WRNIP1: variants seen among roughly 807,000 people sequenced by gnomAD.
WRNIP1 encodes the protein WRN helicase interacting protein 1, also known as ATPase WRNIP1.
In WRNIP1, 41 loss-of-function variants were observed where a neutral mutation model predicts 56.1. The ratio of observed to expected loss-of-function variants is 0.73; its 90% confidence interval spans 0.57 to 0.95. The LOEUF is 0.95. WRNIP1 is among the 40% of genes least tolerant of loss of function. The probability of loss-of-function intolerance (pLI) is 0.00; values close to 1 mark genes in which losing one functional copy is unlikely to be tolerated. For synonymous variants in WRNIP1, 547 were observed against 398.1 expected, an observed-to-expected ratio of 1.37 and a Z score of -4.45; for missense variants, 1,170 against 939.4, an observed-to-expected ratio of 1.25 and a Z score of -3.21.
At chr6:2,781,943 C>G (rs890908261) in intron 4 of WRNIP1, among the ~76,000 whole-genome samples, 1 of 152,262 alleles carries the variant, frequency 6.6e-6, no homozygotes, top group Non-Finnish European at 1.5e-5. Flanking sequence ...CCAGCCCAGG[C>G]TGTTTGGTCC....
At position 2,765,423 on chromosome 6, in the gene WRNIP1, C is replaced by T. The variant is rs1764889964; in HGVS notation, c.-200C>T. On this transcript the variant is annotated 5_prime_UTR_variant, in exon 1 of 7. Transcript: ENST00000380773. ...TCCCGACACGCCGCGTGAGGCGCTG[C>T]CAGCGGCCGGCCGAGGGCGGGCGGA... The T allele has an allele frequency of 1.9e-6, 1 of 525,776 alleles. No homozygotes were observed. Among genetic ancestry groups the T allele is most frequent in the Non-Finnish European group, 2.8e-6 (1 of 359,558 alleles). The allele number at this position is 525,776 out of a possible 1,614,324, so 32.6% of individuals were successfully genotyped here.
Position 2,766,561 on chromosome 6 carries a change from G to A in WRNIP1, c.822+117G>A, listed in dbSNP as rs903310027. On this transcript the variant is annotated intron_variant, in intron 1 of 6. Transcript: ENST00000380773. ...AAGCCGCCTGCCTCTCCTGGATAAG[G>A]GGGTGCAGACTTGGGCTGGGCTGGG... 11 of 1,402,150 alleles carry A rather than the reference G, an allele frequency of 7.8e-6. No individual in the cohort carries two copies. In the African/African-American group the frequency reaches 1.3e-4, roughly 17 times the overall value. The allele number at this position is 1,402,150 out of a possible 1,614,324, so 86.9% of individuals were successfully genotyped here. A position where few individuals can be genotyped will look rare whatever the true frequency, so the allele number is the denominator to read the frequency against.
intron 3 of WRNIP1, 88 bp from the exon 4 acceptor site, chr6:2,779,175 T>G: frequency 7.3e-7 from 1 of 1,370,692 alleles, no homozygotes; most frequent in Non-Finnish European, 1.0e-6. Flanking sequence ...TCAGTGTCCT[T>G]GCTGAGAAGT....
chr6:2,773,182 T>C (rs1421146731), intron 3 of WRNIP1: 2 of 985,318 alleles, frequency 2.0e-6, no homozygotes, highest in Non-Finnish European at 2.4e-6. Flanking sequence ...AAGTGTTCTT[T>C]TTTTAAAAAA....
Position 2,765,900 on chromosome 6 carries a change from A to T in WRNIP1, c.278A>T (p.Glu93Val). ...ACCCCGACGGCAGCCGAGAGCAGCG[A>T]GGGCGAGGGTGAGGAGGGCGACGAC... ...PATPTAAESS[E>V]GEGEEGDDGG... Residue 93 changes from glutamate to valine, a missense_variant, in exon 1 of 7, where the codon GAG becomes GTG. Physicochemically the swap from Glu to Val is moderately radical, Grantham distance 121. Transcript: ENST00000380773. The T allele has an allele frequency of 6.9e-7, 1 of 1,455,234 alleles. No homozygotes were observed. Among genetic ancestry groups the T allele is most frequent in the Non-Finnish European group, 9.0e-7 (1 of 1,105,622 alleles). 90.1% of individuals were successfully genotyped at this position (1,455,234 alleles called of 1,614,324 possible).
rs530873773 is a variant in WRNIP1, at chr6:2,766,625, G to A, written c.822+181G>A. Reference sequence around the variant, plus strand: ...CACAGGTGGAGTCTGTGATGGGTGTGAAAAGGGCACACACCCCCAGATTGG... The same window carrying A: ...CACAGGTGGAGTCTGTGATGGGTGTAAAAAGGGCACACACCCCCAGATTGG... On this transcript the variant is annotated intron_variant, in intron 1 of 6. Transcript: ENST00000380773. Among the ~76,000 whole-genome samples, 3 of 152,336 alleles carry A rather than the reference G, an allele frequency of 2.0e-5. No individual in the cohort carries two copies. In the East Asian group the frequency reaches 5.8e-4, roughly 29 times the overall value.
chr6:2,774,683 C>T (rs1178004094), intron 3 of WRNIP1, among the ~76,000 whole-genome samples: 2 of 152,208 alleles, frequency 1.3e-5, no homozygotes, highest in Non-Finnish European at 2.9e-5. Flanking sequence ...CCACTACAGA[C>T]CCCTACCAAG....
chr6:2,769,103 C>G (rs891996900), intron 2 of WRNIP1, among the ~76,000 whole-genome samples: 1 of 152,132 alleles, frequency 6.6e-6, no homozygotes, highest in African/African-American at 2.4e-5. Context: ...GTTGGCATAT[C>G]CCTGAGCTAT....
Position 2,766,249 on chromosome 6 carries a change from C to A in WRNIP1, c.627C>A (p.His209Gln). The part of the protein sequence containing the change: ...AFGASGGGRP[H>Q]PRALAAEEIR... ...GGGCCAGTGGCGGGGGCCGCCCGCACCCCCGGGCGCTGGCTGCCGAGGAGA... is the reference window on the plus strand; with the variant it reads ...GGGCCAGTGGCGGGGGCCGCCCGCAACCCCGGGCGCTGGCTGCCGAGGAGA... Residue 209 changes from histidine to glutamine, a missense_variant, in exon 1 of 7, where the codon CAC becomes CAA. His to Gln is a conservative substitution (Grantham distance 24). Coordinates refer to ENST00000380773, the MANE Select transcript of WRNIP1 (RefSeq NM_020135.3). 1 of 1,509,418 alleles carries A rather than the reference C, an allele frequency of 6.6e-7. No individual in the cohort carries two copies. Among genetic ancestry groups the A allele is most frequent in the Admixed American group, 2.1e-5 (1 of 48,326 alleles). 93.5% of individuals were successfully genotyped at this position (1,509,418 alleles called of 1,614,324 possible).
At chr6:2,777,440 TC>T (rs1380091535) in intron 3 of WRNIP1, among the ~76,000 whole-genome samples, 2 of 152,164 alleles carry the variant, frequency 1.3e-5, no homozygotes, top group African/African-American at 4.8e-5. Flanking sequence ...TCCTTTTTCT[TC>T]CCTCAATTGT....
Position 2,766,301 on chromosome 6 carries a change from C to A in WRNIP1, c.679C>A (p.Leu227Met), listed in dbSNP as rs767342526. ...EIRQMLQGKP[L>M]ADTMRPDTLQ... is the part of the protein sequence containing the mutation. ...CCGACAGATGCTACAGGGCAAGCCG[C>A]TGGCCGACACGATGCGTCCTGACAC... The change falls in exon 1 of 7, where the codon CTG (leucine) becomes ATG (methionine). Residue 227 changes from leucine to methionine, a missense_variant. Leu to Met is a conservative substitution (Grantham distance 15, BLOSUM62 2). Coordinates refer to ENST00000380773, the MANE Select transcript of WRNIP1 (RefSeq NM_020135.3). 4 of 1,608,190 alleles carry A rather than the reference C, an allele frequency of 2.5e-6. No individual in the cohort carries two copies. In the Admixed American group the frequency reaches 5.0e-5, roughly 20 times the overall value.
At chr6:2,769,238 ATTAC>A (rs1263326571) in intron 2 of WRNIP1, among the ~76,000 whole-genome samples, 1 of 152,208 alleles carries the variant, frequency 6.6e-6, no homozygotes, top group Non-Finnish European at 1.5e-5. Flanking sequence ...GTTTTTAAAA[ATTAC>A]TTTAACAGTA....
At chr6:2,770,876 GA>G (rs985276864) in intron 3 of WRNIP1, among the ~76,000 whole-genome samples, 30 of 151,614 alleles carry the variant, frequency 2.0e-4, no homozygotes, top group Admixed American at 4.6e-4. Flanking sequence ...TTGTGTAGTT[GA>G]AACTCAGTTT....
intron 1 of WRNIP1, 43 bp from the exon 2 acceptor site, chr6:2,768,648 G>C (rs1256527228): frequency 1.9e-6 from 3 of 1,538,746 alleles, no homozygotes; most frequent in Non-Finnish European, 2.6e-6. Context: ...GTCTCTCTGT[G>C]TCTTACCAGC....
At chr6:2,773,763 C>A in intron 3 of WRNIP1, 1 of 901,430 alleles carries the variant, frequency 1.1e-6, no homozygotes, top group Non-Finnish European at 1.3e-6. Flanking sequence ...TAGTCAAAAA[C>A]ACTCCTAAAG....
At chr6:2,773,174 G>T (rs1488723643) in intron 3 of WRNIP1, 1 of 985,290 alleles carries the variant, frequency 1.0e-6, no homozygotes. Flanking sequence ...AGTGAAATAA[G>T]TGTTCTTTTT....
At chr6:2,772,162 T>C (rs1352163945) in intron 3 of WRNIP1, among the ~76,000 whole-genome samples, 1 of 152,230 alleles carries the variant, frequency 6.6e-6, no homozygotes, top group Non-Finnish European at 1.5e-5. Context: ...TATTTTATTA[T>C]TAAAAATCCT....
At chr6:2,773,134 A>G (rs568861616) in intron 3 of WRNIP1, 1 of 985,472 alleles carries the variant, frequency 1.0e-6, no homozygotes, top group African/African-American at 1.7e-5. Context: ...GTCACACAGT[A>G]TACTCATGTA....
At chr6:2,775,332 T>C (rs1002397224) in intron 3 of WRNIP1, among the ~76,000 whole-genome samples, 2 of 152,226 alleles carry the variant, frequency 1.3e-5, no homozygotes, top group African/African-American at 2.4e-5. Flanking sequence ...GCCCAGGGTC[T>C]GCCCCTGGAG....
Sources: allele counts gnomAD v4.1 joint callset (sites outside exome capture counted in the v4.1 genomes callset), GRCh38; gene constraint gnomAD v4.1.1; transcripts MANE v1.5; gene names NCBI Gene and HGNC (gene_info 2026-07-23, HGNC 2026-07-21).